RGS6: variants seen among roughly 807,000 people sequenced by gnomAD.
RGS6 encodes regulator of G protein signaling 6, also known as regulator of G-protein signaling 6.
A neutral mutation model predicts 78.5 loss-of-function variants in RGS6; 30 were observed. That is an observed-to-expected ratio of 0.38 (90% CI 0.29 to 0.52). The LOEUF (loss-of-function observed/expected upper bound fraction) is 0.52. Among genes scored for constraint, RGS6 ranks in the 20% least tolerant of loss-of-function variants. The pLI is 0.85. For missense variants in RGS6, 495 were observed against 609.7 expected, an observed-to-expected ratio of 0.81 and a Z score of 1.98; for synonymous variants, 206 against 206.0, an observed-to-expected ratio of 1.00 and a Z score of 0.00.
intron 2 of RGS6, among the ~76,000 whole-genome samples, chr14:72,055,363 G>T (rs1266740904): frequency 1.3e-5 from 2 of 151,810 alleles, no homozygotes; most frequent in Non-Finnish European, 2.9e-5. Context: ...TACTTCTTAA[G>T]TATTTTATCT....
At chr14:71,925,712 C>CATATTATATTTATATTATATTATATT in the RGS6 span, among the ~76,000 whole-genome samples, 43 of 96,290 alleles carry the variant, frequency 4.5e-4, no homozygotes, top group African/African-American at 2.2e-3. Context: ...TAGATGACTT[C>CATATTATATTTATATTATATTATATT]ATATTATATT....
chr14:72,459,588 G>A (rs2095723217), intron 5 of RGS6, 44 bp from the exon 6 acceptor site: 3 of 1,607,160 alleles, frequency 1.9e-6, no homozygotes, highest in Non-Finnish European at 1.7e-6. Context: ...GGGAAGCGCA[G>A]GCATGGCGCG....
chr14:72,215,479 C>A (rs537211294), intron 2 of RGS6, among the ~76,000 whole-genome samples: 1 of 152,238 alleles, frequency 6.6e-6, no homozygotes, highest in South Asian at 2.1e-4. Flanking sequence ...AGAAAGGGTA[C>A]ACTCACCAGC....
chr14:72,216,460 G>C (rs925054392), intron 2 of RGS6, among the ~76,000 whole-genome samples: 7 of 152,178 alleles, frequency 4.6e-5, no homozygotes. Context: ...GGAATTATCA[G>C]TCTTGTTACT....
chr14:72,036,614 A>G (rs1049447002), intron 2 of RGS6, among the ~76,000 whole-genome samples: 2 of 152,134 alleles, frequency 1.3e-5, no homozygotes, highest in African/African-American at 4.8e-5. Context: ...TGCCGACCCT[A>G]CGTCCCCTTT....
intron 2 of RGS6, among the ~76,000 whole-genome samples, chr14:71,986,909 C>G (rs1044634739): frequency 7.9e-5 from 12 of 152,156 alleles, no homozygotes; most frequent in East Asian, 5.8e-4. Flanking sequence ...CTCTTGGCAT[C>G]ATATCTCCTT....
intron 2 of RGS6, among the ~76,000 whole-genome samples, chr14:72,054,150 G>C (rs2093487358): frequency 6.6e-6 from 1 of 152,158 alleles, no homozygotes; most frequent in Non-Finnish European, 1.5e-5. Flanking sequence ...GATTCCTACT[G>C]TGTCAGAGAT....
chr14:72,482,904 A>G (rs773771553), intron 12 of RGS6, among the ~76,000 whole-genome samples: 5 of 152,200 alleles, frequency 3.3e-5, no homozygotes, highest in Non-Finnish European at 7.3e-5. Context: ...ATTAGCTTTG[A>G]TCCTAAAGCA....
At chr14:72,415,163 C>G (rs984140117) in intron 3 of RGS6, among the ~76,000 whole-genome samples, 1 of 152,272 alleles carries the variant, frequency 6.6e-6, no homozygotes. Flanking sequence ...GCAGGCAGGC[C>G]TCCTTGAGCT....
At chr14:71,946,573 G>A (rs1313933854) in intron 1 of RGS6, among the ~76,000 whole-genome samples, 1 of 152,154 alleles carries the variant, frequency 6.6e-6, no homozygotes, top group Non-Finnish European at 1.5e-5. Flanking sequence ...ACGGAATGTG[G>A]TAAGCAAGGC....
chr14:72,622,935 G>A, the RGS6 span, among the ~76,000 whole-genome samples: 15 of 152,126 alleles, frequency 9.9e-5, no homozygotes, highest in African/African-American at 1.9e-4. Context: ...AAAGACCAGC[G>A]TCAACCTAAA....
At chr14:72,180,657 A>G (rs541464086) in intron 2 of RGS6, among the ~76,000 whole-genome samples, 14 of 152,342 alleles carry the variant, frequency 9.2e-5, no homozygotes, top group South Asian at 2.1e-4. Context: ...TGTGGTTTCA[A>G]TATGTCCCCA....
the RGS6 span, among the ~76,000 whole-genome samples, chr14:71,897,656 G>A: frequency 6.6e-6 from 1 of 151,502 alleles, no homozygotes; most frequent in South Asian, 2.1e-4. Flanking sequence ...GAGTAGCTGG[G>A]ATTACAGGCG....
chr14:72,137,388 A>G (rs1480087286), intron 2 of RGS6, among the ~76,000 whole-genome samples: 1 of 152,196 alleles, frequency 6.6e-6, no homozygotes, highest in Non-Finnish European at 1.5e-5. Context: ...GATGTCCTAT[A>G]GTTTGGCCCG....
the RGS6 span, among the ~76,000 whole-genome samples, chr14:72,617,831 A>T: frequency 6.6e-6 from 1 of 152,168 alleles, no homozygotes; most frequent in African/African-American, 2.4e-5. Context: ...CTTTGTTGTG[A>T]GCAGCCAGAC....
At chr14:72,619,406 C>A in the RGS6 span, 1 of 1,534,140 alleles carries the variant, frequency 6.5e-7, no homozygotes, top group Non-Finnish European at 8.7e-7. Context: ...AGCCCCTCTG[C>A]TAACTCTGGA....
chr14:72,284,309 C>G (rs1002669223), intron 2 of RGS6, among the ~76,000 whole-genome samples: 13 of 152,256 alleles, frequency 8.5e-5, no homozygotes, highest in Admixed American at 3.9e-4. Context: ...CAGGGCATGT[C>G]AGATAACTTT....
chr14:72,382,141 A>G, intron 3 of RGS6, among the ~76,000 whole-genome samples: 1 of 152,118 alleles, frequency 6.6e-6, no homozygotes, highest in Admixed American at 6.5e-5. Flanking sequence ...ATGCTCATCA[A>G]AAGATCTATT....
At chr14:72,238,860 A>G (rs847267) in intron 2 of RGS6, among the ~76,000 whole-genome samples, 46,506 of 151,962 alleles carry the variant, frequency 0.31, 7,891 homozygotes, top group South Asian at 0.43. Context: ...CACTCATACA[A>G]CCTGTTCTGT....
Sources: gnomAD v4.1 joint callset for allele counts (sites outside exome capture counted in the v4.1 genomes callset) on GRCh38, gnomAD v4.1.1 for gene constraint, MANE v1.5 for transcripts, NCBI Gene and HGNC (gene_info 2026-07-23, HGNC 2026-07-21) for gene names.